XYLT1: variants seen among roughly 807,000 people sequenced by gnomAD.
XYLT1 encodes the protein beta-D-xylosyltransferase 1.
In XYLT1, 36 loss-of-function variants were observed where a neutral mutation model predicts 91.3. That is an observed-to-expected ratio of 0.39 (90% CI 0.30 to 0.52). XYLT1 has a LOEUF of 0.52. Among genes scored for constraint, XYLT1 ranks in the 20% least tolerant of loss-of-function variants. The probability of loss-of-function intolerance (pLI) is 0.68; values close to 1 mark genes in which losing one functional copy is unlikely to be tolerated. For synonymous variants in XYLT1, 588 were observed against 532.0 expected (o/e 1.11, Z -1.45); for missense variants, 1,242 against 1,284.5 (o/e 0.97, Z 0.51).
At chr16:17,138,044 A>G (rs940094694) in intron 8 of XYLT1, among the ~76,000 whole-genome samples, 1 of 117,222 alleles carries the variant, frequency 8.5e-6, no homozygotes, top group Non-Finnish European at 1.7e-5. Flanking sequence ...AGAGAAGATG[A>G]TATGAGTATG....
At chr16:17,147,549 G>A (rs554227057) in intron 6 of XYLT1, among the ~76,000 whole-genome samples, 1 of 152,216 alleles carries the variant, frequency 6.6e-6, no homozygotes, top group Non-Finnish European at 1.5e-5. Context: ...ATGGGTTGCT[G>A]TATTTATCAC....
At chr16:17,402,752 T>TG (rs937891204) in intron 1 of XYLT1, among the ~76,000 whole-genome samples, 4 of 151,010 alleles carry the variant, frequency 2.6e-5, no homozygotes, top group African/African-American at 9.8e-5. Flanking sequence ...TCTTTTTTTT[T>TG]TTTTTTAAGA....
intron 1 of XYLT1, among the ~76,000 whole-genome samples, chr16:17,373,528 C>T (rs2035562146): frequency 6.6e-6 from 1 of 152,218 alleles, no homozygotes; most frequent in Admixed American, 6.5e-5. Context: ...ACTTTTAAGC[C>T]AGCTGGCGGA....
intron 5 of XYLT1, among the ~76,000 whole-genome samples, chr16:17,179,841 G>A (rs917268174): frequency 6.6e-6 from 1 of 152,136 alleles, no homozygotes; most frequent in Admixed American, 6.5e-5. Flanking sequence ...TCCCTTCTAT[G>A]TGTTAATATA....
chr16:17,331,318 C>G (rs2034896287), intron 2 of XYLT1, among the ~76,000 whole-genome samples: 1 of 152,322 alleles, frequency 6.6e-6, no homozygotes, highest in Non-Finnish European at 1.5e-5. Context: ...GGCGTCAGAA[C>G]AAGGGTGGAG....
chr16:17,167,636 G>T (rs559090771), intron 5 of XYLT1, among the ~76,000 whole-genome samples: 2 of 151,190 alleles, frequency 1.3e-5, no homozygotes, highest in Admixed American at 6.6e-5. Context: ...CTCGTGAATG[G>T]ATTCTAACCC....
intron 1 of XYLT1, among the ~76,000 whole-genome samples, chr16:17,388,683 A>C (rs1485321893): frequency 6.6e-6 from 1 of 152,240 alleles, no homozygotes; most frequent in East Asian, 1.9e-4. Flanking sequence ...TAAGATCTTA[A>C]GGATCCTGAA....
chr16:17,168,674 GA>G (rs1333727786), intron 5 of XYLT1, among the ~76,000 whole-genome samples: 2 of 152,062 alleles, frequency 1.3e-5, no homozygotes, highest in East Asian at 3.9e-4. Flanking sequence ...GAAAAGGTAT[GA>G]AAAATGCTAA....
Position 17,312,956 on chromosome 16 carries a change from G to A in XYLT1, c.402+45056C>T, listed in dbSNP as rs189785709. On this transcript the variant is annotated intron_variant, in intron 2 of 11. Transcript: ENST00000261381. This position sits in a 1 kb window ranked among gnomAD's most constrained non-coding sequence, Gnocchi z 4.4. ...GGTTCCAGACCCATCCCAAAGAACC[G>A]GATCCTCTTGGAAAAGCTCCCCCTG... 4.2e-4 allele frequency among the ~76,000 whole-genome samples: 64 copies of A among 152,310 alleles called. 1 individual carries two copies. Among genetic ancestry groups the A allele is most frequent in the Middle Eastern group, 3.4e-3 (1 of 294 alleles).
At chr16:17,345,726 G>A (rs149591765) in intron 2 of XYLT1, among the ~76,000 whole-genome samples, 159 of 152,344 alleles carry the variant, frequency 1.0e-3, no homozygotes, top group African/African-American at 3.7e-3. Flanking sequence ...GCCAGGCACT[G>A]TTCTGTTGCT....
intron 2 of XYLT1, among the ~76,000 whole-genome samples, chr16:17,311,336 C>A (rs544719181): frequency 6.6e-6 from 1 of 152,136 alleles, no homozygotes; most frequent in African/African-American, 2.4e-5. Context: ...TGAGCAGCCT[C>A]GTGGGCTGCT....
Position 17,239,302 on chromosome 16 carries a change from C to T in XYLT1, c.913+19686G>A, listed in dbSNP as rs548511667. On this transcript the variant is annotated intron_variant, in intron 3 of 11. Transcript: ENST00000261381. ...TCCATGATCCATCCATCCATCCACT[C>T]ATCCAGTCCATTCATCCATCCATCC... Among the ~76,000 whole-genome samples, 9 of 143,236 alleles carry T rather than the reference C, an allele frequency of 6.3e-5. No homozygotes were observed. In the South Asian group the frequency reaches 2.2e-3, roughly 35 times the overall value. The allele number at this position is 143,236 out of a possible 152,430, so 94.0% of individuals were successfully genotyped here.
At chr16:17,434,019 G>A (rs556253387) in intron 1 of XYLT1, among the ~76,000 whole-genome samples, 9 of 152,144 alleles carry the variant, frequency 5.9e-5, no homozygotes, top group Non-Finnish European at 1.0e-4. Flanking sequence ...ATTGAATTTC[G>A]GGCATGTATT....
chr16:17,442,162 T>C (rs756559151), intron 1 of XYLT1, among the ~76,000 whole-genome samples: 3 of 152,148 alleles, frequency 2.0e-5, no homozygotes, highest in Non-Finnish European at 4.4e-5. Flanking sequence ...GGAACAACAC[T>C]CTGGCCCTCC....
intron 3 of XYLT1, among the ~76,000 whole-genome samples, chr16:17,239,220 T>C (rs72777768): frequency 7.5e-5 from 11 of 146,720 alleles, no homozygotes; most frequent in Admixed American, 3.4e-4. Flanking sequence ...ATCCATCCAT[T>C]CATCCATCCA....
intron 1 of XYLT1, among the ~76,000 whole-genome samples, chr16:17,421,846 T>C (rs1209991206): frequency 6.6e-6 from 1 of 151,514 alleles, no homozygotes; most frequent in Non-Finnish European, 1.5e-5. Flanking sequence ...ACTGTTAACA[T>C]TTTTTTTTCA....
intron 6 of XYLT1, among the ~76,000 whole-genome samples, chr16:17,158,402 C>T (rs940834366): frequency 1.6e-4 from 25 of 152,184 alleles, no homozygotes; most frequent in Non-Finnish European, 3.4e-4. Context: ...GTCTTGTTTG[C>T]GGCTAGAACA....
chr16:17,340,696 A>AG (rs1390829395), intron 2 of XYLT1, among the ~76,000 whole-genome samples: 1 of 152,216 alleles, frequency 6.6e-6, no homozygotes, highest in Non-Finnish European at 1.5e-5. Context: ...TACCTCACTT[A>AG]CACAGGTTTA....
At position 17,203,266 on chromosome 16, in the gene XYLT1, A is replaced by G. The variant is rs545760474; in HGVS notation, c.914-2612T>C. Among the ~76,000 whole-genome samples the G allele has an allele frequency of 3.3e-4, 50 of 152,364 alleles. 1 individual carries two copies. In the South Asian group the frequency reaches 9.7e-3, roughly 30 times the overall value. ...GGTAGGCATGCATTTAAGGACTAAC[A>G]TAGGTATTCCAGTATTTCTGTATTA... On this transcript the variant is annotated intron_variant, in intron 3 of 11. Coordinates refer to ENST00000261381, the MANE Select transcript of XYLT1 (RefSeq NM_022166.4).
Sources: allele counts gnomAD v4.1 joint callset (sites outside exome capture counted in the v4.1 genomes callset), GRCh38; gene constraint gnomAD v4.1.1; non-coding constraint Gnocchi (gnomAD v3.1); transcripts MANE v1.5; gene names NCBI Gene and HGNC (gene_info 2026-07-23, HGNC 2026-07-21).